CLIP1: variants seen among roughly 807,000 people sequenced by gnomAD.
CLIP1 encodes the protein CAP-Gly domain containing linker protein 1, also known as CAP-Gly domain-containing linker protein 1.
CLIP1 carries 66 observed loss-of-function variants against 161.6 expected under a neutral mutation model. That is an observed-to-expected ratio of 0.41 (90% CI 0.33 to 0.50). The LOEUF (loss-of-function observed/expected upper bound fraction) is 0.50, where lower values mean the gene tolerates loss of function less well. Among genes scored for constraint, CLIP1 ranks in the 20% least tolerant of loss-of-function variants. CLIP1 has a pLI of 0.27. For missense variants in CLIP1, 1,376 were observed against 1,702.0 expected, an observed-to-expected ratio of 0.81 and a Z score of 3.37; for synonymous variants, 598 against 626.2, an observed-to-expected ratio of 0.96 and a Z score of 0.67.
intron 1 of CLIP1, among the ~76,000 whole-genome samples, chr12:122,397,386 G>A (rs537797342): frequency 2.0e-5 from 3 of 151,012 alleles, no homozygotes; most frequent in South Asian, 2.1e-4. Context: ...ATCATCTGAG[G>A]TCAGGAGTTT....
chr12:122,278,215 G>GAAAA lies in CLIP1; in HGVS notation c.3917-13_3917-12insTTTT. The GAAAA allele has an allele frequency of 8.4e-7, 1 of 1,196,486 alleles. No individual in the cohort carries two copies. 74.1% of individuals were successfully genotyped at this position (1,196,486 alleles called of 1,614,324 possible). ...AGTGTCTGTATTACCTTATATTTGAGGAAAAAAAAAAAAAAACAAGTGGAG... is the reference window on the plus strand; with the variant it reads ...AGTGTCTGTATTACCTTATATTTGAGAAAAGAAAAAAAAAAAAAAACAAGTGGAG... On this transcript the variant is annotated splice_polypyrimidine_tract_variant and intron_variant, in intron 23 of 25. Transcript: ENST00000620786.
intron 21 of CLIP1, among the ~76,000 whole-genome samples, chr12:122,283,295 T>C (rs1955718645): frequency 6.6e-6 from 1 of 152,104 alleles, no homozygotes; most frequent in South Asian, 2.1e-4. Context: ...TTGAGAGTTT[T>C]TCAAAGAAAT....
chr12:122,387,547 CATATATATAT>C (rs773688335), intron 1 of CLIP1, among the ~76,000 whole-genome samples: 143 of 40,278 alleles, frequency 3.6e-3, no homozygotes, highest in South Asian at 0.015. Context: ...CATGCCTTTT[CATATATATAT>C]ATATATATAT....
At chr12:122,293,078 A>T (rs775178101) in intron 20 of CLIP1, among the ~76,000 whole-genome samples, 47 of 152,010 alleles carry the variant, frequency 3.1e-4, no homozygotes, top group Non-Finnish European at 5.9e-4. Flanking sequence ...CGCAAAACAC[A>T]ACCCAATAAA....
chr12:122,333,297 C>T (rs1051879598), intron 14 of CLIP1, among the ~76,000 whole-genome samples, 154 bp from the exon 15 acceptor site: 9 of 151,876 alleles, frequency 5.9e-5, no homozygotes, highest in Middle Eastern at 3.2e-3. Context: ...AGCAAGATAA[C>T]GAAAATAAAT....
chr12:122,348,616 T>C (rs1182573348), intron 9 of CLIP1, among the ~76,000 whole-genome samples: 1 of 152,212 alleles, frequency 6.6e-6, no homozygotes, highest in Non-Finnish European at 1.5e-5. Flanking sequence ...TGAAATAATC[T>C]AGGTCCAAAT....
At chr12:122,317,725 T>G (rs1181859479) in intron 18 of CLIP1, among the ~76,000 whole-genome samples, 1 of 152,238 alleles carries the variant, frequency 6.6e-6, no homozygotes. Context: ...ATGCCACCAG[T>G]CAGGAGTCCT....
Position 122,316,751 on chromosome 12 carries a change from T to C in CLIP1, c.3471A>G (p.Glu1157=). 6.5e-7 allele frequency: 1 copy of C among 1,527,018 alleles called. No homozygotes were observed. 94.6% of individuals were successfully genotyped at this position (1,527,018 alleles called of 1,614,324 possible). A position where few individuals can be genotyped will look rare whatever the true frequency, so the allele number is the denominator to read the frequency against. The change falls in exon 19 of 26, where the codon GAA becomes GAG. Residue 1157 remains glutamate (E), a splice_region_variant and synonymous_variant. Coordinates refer to ENST00000620786, the MANE Select transcript of CLIP1 (RefSeq NM_001247997.2). Reference sequence around the variant, plus strand: ...TTTCTCAAAGGATAGAAACTTACATTTCTTTCCTAAATTCTTCCATTTTTT... The same window carrying C: ...TTTCTCAAAGGATAGAAACTTACATCTCTTTCCTAAATTCTTCCATTTTTT... ...ENQKMEEFRK[E]IETLKQAAAQ... is the part of the protein sequence containing the mutation.
chr12:122,347,516 T>C, intron 9 of CLIP1, 37 bp from the exon 10 acceptor site: 1 of 1,505,304 alleles, frequency 6.6e-7, no homozygotes, highest in Non-Finnish European at 9.2e-7. Context: ...AACACAACAG[T>C]GCCACCATGA....
chr12:122,306,868 CAAT>C (rs1445984396), intron 20 of CLIP1, among the ~76,000 whole-genome samples: 2 of 151,958 alleles, frequency 1.3e-5, no homozygotes, highest in South Asian at 4.1e-4. Context: ...AAATCTTGAA[CAAT>C]AATCATGAAG....
chr12:122,358,744 TAAAAAAAA>T (rs71082973), intron 5 of CLIP1, among the ~76,000 whole-genome samples: 3 of 144,196 alleles, frequency 2.1e-5, no homozygotes, highest in Admixed American at 6.8e-5. Context: ...TAGTTGACTT[TAAAAAAAA>T]AAAAAAAAAA....
chr12:122,388,220 T>TA (rs1955410119), intron 1 of CLIP1, among the ~76,000 whole-genome samples: 1 of 142,120 alleles, frequency 7.0e-6, no homozygotes, highest in African/African-American at 2.9e-5. Flanking sequence ...GTAGGCCAGC[T>TA]ATTTTTTTTT....
chr12:122,321,654 G>A (rs759451439), intron 17 of CLIP1, among the ~76,000 whole-genome samples: 1 of 152,004 alleles, frequency 6.6e-6, no homozygotes, highest in Non-Finnish European at 1.5e-5. Flanking sequence ...GAGCAGCTGG[G>A]ACGATAGGCA....
At position 122,299,799 on chromosome 12, in the gene CLIP1, C is replaced by A. The variant is rs147776065; in HGVS notation, c.3594+9963G>T. On this transcript the variant is annotated intron_variant, in intron 20 of 25. Transcript: ENST00000620786. ...GGCGTGGTGGCAGGTGCCTGTAGTC[C>A]CAGCTACTCGGGAAGCTGAGGCAGG... 5.2e-3 allele frequency among the ~76,000 whole-genome samples: 791 copies of A among 151,720 alleles called. 8 individuals are homozygous for A. Among genetic ancestry groups the A allele is most frequent in the African/African-American group, 0.017 (716 of 41,354 alleles).
At chr12:122,282,650 T>C (rs1180621496) in intron 21 of CLIP1, among the ~76,000 whole-genome samples, 1 of 146,540 alleles carries the variant, frequency 6.8e-6, no homozygotes, top group Non-Finnish European at 1.5e-5. Context: ...AAAAAGGAAA[T>C]ATATGTGTGT....
intron 3 of CLIP1, chr12:122,364,725 G>T: frequency 1.7e-6 from 1 of 571,762 alleles, no homozygotes; most frequent in South Asian, 1.4e-5. Flanking sequence ...TTTTCTAACA[G>T]AAATGTTCCT....
At chr12:122,418,329 C>G (rs1956823726) in intron 1 of CLIP1, among the ~76,000 whole-genome samples, 1 of 152,132 alleles carries the variant, frequency 6.6e-6, no homozygotes, top group Admixed American at 6.6e-5. Context: ...GATGCTGTCA[C>G]AGTTCAAAAA....
chr12:122,357,118 G>C (rs1566165587), intron 5 of CLIP1, among the ~76,000 whole-genome samples: 1 of 151,714 alleles, frequency 6.6e-6, no homozygotes, highest in Non-Finnish European at 1.5e-5. Flanking sequence ...AGTGAGGAGC[G>C]TCTCTGCCCG....
At chr12:122,401,922 G>T (rs1956156425) in intron 1 of CLIP1, among the ~76,000 whole-genome samples, 1 of 152,028 alleles carries the variant, frequency 6.6e-6, no homozygotes. Flanking sequence ...ACTTGAACCT[G>T]GGAGGTGGGG....
Sources: gnomAD v4.1 joint callset for allele counts (sites outside exome capture counted in the v4.1 genomes callset) on GRCh38, gnomAD v4.1.1 for gene constraint, MANE v1.5 for transcripts, NCBI Gene and HGNC (gene_info 2026-07-23, HGNC 2026-07-21) for gene names.